NLRC5: variants seen among roughly 807,000 people sequenced by gnomAD.
NLRC5 encodes protein NLRC5.
A neutral mutation model predicts 206.9 loss-of-function variants in NLRC5; 114 were observed. The ratio of observed to expected loss-of-function variants is 0.55; its 90% confidence interval spans 0.47 to 0.64. The LOEUF is 0.64. NLRC5 is among the 30% of genes least tolerant of loss of function. The pLI is 0.00. For synonymous variants in NLRC5, 952 were observed against 962.8 expected, an observed-to-expected ratio of 0.99 and a Z score of 0.21; for missense variants, 2,008 against 2,305.5, an observed-to-expected ratio of 0.87 and a Z score of 2.64.
intron 1 of NLRC5, among the ~76,000 whole-genome samples, chr16:57,015,060 C>G (rs2059905176): frequency 6.6e-6 from 1 of 152,090 alleles, no homozygotes; most frequent in South Asian, 2.1e-4. Context: ...TCCTGAGTAG[C>G]TGGGACTACA....
At chr16:57,074,773 T>A in intron 39 of NLRC5, 90 bp downstream of exon 39, 1 of 1,230,692 alleles carries the variant, frequency 8.1e-7, no homozygotes, top group Non-Finnish European at 1.2e-6. Flanking sequence ...TGAGGCCACC[T>A]CCCAGGGGAT....
intron 43 of NLRC5, 82 bp from the exon 44 acceptor site, chr16:57,078,968 C>A: frequency 2.3e-6 from 3 of 1,281,678 alleles, no homozygotes; most frequent in Admixed American, 1.8e-5. Context: ...CGGGCTGGCA[C>A]TGCAGCCTGA....
At chr16:57,042,476 C>CA (rs2063408355) in intron 19 of NLRC5, among the ~76,000 whole-genome samples, 2 of 152,080 alleles carry the variant, frequency 1.3e-5, no homozygotes, top group Admixed American at 1.3e-4. Flanking sequence ...GACACTCAAG[C>CA]AGGGTGCCCA....
chr16:57,078,053 T>A, intron 43 of NLRC5, 33 bp downstream of exon 43: 2 of 1,525,316 alleles, frequency 1.3e-6, no homozygotes, highest in Non-Finnish European at 1.8e-6. Context: ...CATGCAGGGC[T>A]GGTGGGGAGG....
Position 57,081,086 on chromosome 16 carries a change from C to G in NLRC5, c.5322-12C>G. The stretch of plus-strand genomic sequence containing the variant: ...CTCTCCTGCCGCTGACTTTGGGACC[C>G]CTACCCTGCAGGCTGTCCTGGAATC... On this transcript the variant is annotated splice_polypyrimidine_tract_variant and intron_variant, in intron 46 of 48. Coordinates refer to ENST00000688547, the MANE Select transcript of NLRC5 (RefSeq NM_001384950.1). 6.5e-7 allele frequency: 1 copy of G among 1,548,286 alleles called. No homozygotes were observed. The highest frequency in any genetic ancestry group is 8.7e-7 in the Non-Finnish European group (1 of 1,147,362).
At chr16:57,073,647 G>A (rs1342599138) in intron 38 of NLRC5, among the ~76,000 whole-genome samples, 2 of 152,212 alleles carry the variant, frequency 1.3e-5, no homozygotes, top group African/African-American at 4.8e-5. Context: ...AGGCTGGAGT[G>A]CAGTGGCACA....
At chr16:57,015,605 A>C (rs1223825887) in intron 1 of NLRC5, among the ~76,000 whole-genome samples, 6 of 149,034 alleles carry the variant, frequency 4.0e-5, no homozygotes, top group African/African-American at 1.5e-4. Context: ...TAAATAAATA[A>C]ATAAATAAAT....
intron 23 of NLRC5, among the ~76,000 whole-genome samples, chr16:57,049,129 A>G (rs1245018673): frequency 6.6e-6 from 1 of 152,116 alleles, no homozygotes; most frequent in African/African-American, 2.4e-5. Flanking sequence ...ACAAAACTCC[A>G]AAGAAAAATC....
At chr16:57,029,573 G>A (rs2061579985) in intron 8 of NLRC5, among the ~76,000 whole-genome samples, 200 bp from the exon 9 acceptor site, 1 of 152,210 alleles carries the variant, frequency 6.6e-6, no homozygotes, top group Non-Finnish European at 1.5e-5. Flanking sequence ...CATAGGAACA[G>A]AATAGACCCA....
chr16:56,992,082 C>T (rs1184032009), intron 1 of NLRC5: 2 of 152,216 alleles, frequency 1.3e-5, no homozygotes, highest in East Asian at 1.9e-4. Flanking sequence ...GGCGATGCAT[C>T]TAGGAGCCAC....
chr16:57,076,428 C>T (rs192369167), intron 39 of NLRC5, among the ~76,000 whole-genome samples: 6 of 152,328 alleles, frequency 3.9e-5, no homozygotes, highest in Admixed American at 2.0e-4. Flanking sequence ...AACTGATCTG[C>T]GTGAATCAGA....
chr16:57,080,973 A>T (rs970726598), intron 46 of NLRC5, 125 bp from the exon 47 acceptor site: 2 of 731,604 alleles, frequency 2.7e-6, no homozygotes, highest in African/African-American at 1.7e-5. Flanking sequence ...GCACCCTATC[A>T]GGTGGCCTCT....
At chr16:57,009,483 C>T (rs1314980394) in intron 1 of NLRC5, among the ~76,000 whole-genome samples, 1 of 151,678 alleles carries the variant, frequency 6.6e-6, no homozygotes, top group East Asian at 1.9e-4. Context: ...GTCCCAGCTA[C>T]TCGGGAGGCT....
At chr16:57,039,949 C>A in intron 16 of NLRC5, 100 bp downstream of exon 16, 1 of 1,033,346 alleles carries the variant, frequency 9.7e-7, no homozygotes, top group Non-Finnish European at 1.5e-6. Context: ...GCCAGGGTGA[C>A]CTGGACAAAT....
intron 38 of NLRC5, 36 bp downstream of exon 38, chr16:57,070,654 T>TGGGG (rs779700039): frequency 6.4e-7 from 1 of 1,563,488 alleles, no homozygotes; most frequent in African/African-American, 1.5e-5. Context: ...GAGTGAGTGG[T>TGGGG]GGGGGTGGTT....
chr16:57,008,137 C>A (rs2059119381), intron 1 of NLRC5, among the ~76,000 whole-genome samples: 1 of 151,912 alleles, frequency 6.6e-6, no homozygotes, highest in Non-Finnish European at 1.5e-5. Flanking sequence ...CCTGCAATCC[C>A]AGAACTTTGG....
At position 56,994,604 on chromosome 16, in the gene NLRC5, G is replaced by C. The variant is rs541366178; in HGVS notation, c.-128+4987G>C. 3.3e-5 allele frequency among the ~76,000 whole-genome samples: 5 copies of C among 152,324 alleles called. No homozygotes were observed. In the South Asian group the frequency reaches 1.0e-3, roughly 32 times the overall value. On this transcript the variant is annotated intron_variant, in intron 1 of 48. Transcript: ENST00000688547. ...AGGCAGGCGAGGGTGGAGCATGCTG[G>C]ATAGAGAGGCAGATGTAGCCTTCTT...
At position 57,034,200 on chromosome 16, in the gene NLRC5, C is replaced by T. The variant is rs766964483; in HGVS notation, c.2576C>T (p.Ala859Val). ...AAGTGTCAGCTCCAGGTCCACGATG[C>T]GGAGGCCCTCATAGCCCTGCTCCAG... ...LQKCQLQVHD[A>V]EALIALLQEG... The change falls in exon 13 of 49, where the codon GCG (alanine) becomes GTG (valine). Residue 859 changes from alanine (A) to valine (V), a missense_variant. Transcript: ENST00000688547. 17 of 1,613,900 alleles carry T rather than the reference C, an allele frequency of 1.1e-5. No homozygotes were observed. The East Asian group carries it at 1.3e-4, about 13-fold the overall frequency.
chr16:57,005,015 C>A (rs2058736691), intron 1 of NLRC5, among the ~76,000 whole-genome samples: 1 of 152,120 alleles, frequency 6.6e-6, no homozygotes, highest in African/African-American at 2.4e-5. Context: ...GTGACCCTGG[C>A]CATTTTCCCT....
Sources: allele counts gnomAD v4.1 joint callset (sites outside exome capture counted in the v4.1 genomes callset), GRCh38; gene constraint gnomAD v4.1.1; transcripts MANE v1.5; gene names NCBI Gene and HGNC (gene_info 2026-07-23, HGNC 2026-07-21).